Variants in GRHL2 observed in about 807,000 individuals in gnomAD.
The protein encoded by GRHL2 is grainyhead like transcription factor 2, also known as grainyhead-like protein 2 homolog.
A neutral mutation model predicts 83.8 loss-of-function variants in GRHL2; 21 were observed. That is an observed-to-expected ratio of 0.25 (90% CI 0.18 to 0.36). The LOEUF is 0.36. GRHL2 is among the 10% of genes least tolerant of loss of function. GRHL2 has a pLI of 1.00. For synonymous variants in GRHL2, 280 were observed against 278.9 expected (o/e 1.00, Z -0.04); for missense variants, 623 against 781.8 (o/e 0.80, Z 2.42).
intron 2 of GRHL2, among the ~76,000 whole-genome samples, chr8:101,551,213 A>T (rs1246043834): frequency 6.6e-6 from 1 of 152,190 alleles, no homozygotes; most frequent in African/African-American, 2.4e-5. Flanking sequence ...TTTATAATTG[A>T]TTTATTTTAT....
chr8:101,521,220 C>T (rs1378060607), intron 1 of GRHL2, among the ~76,000 whole-genome samples: 1 of 152,132 alleles, frequency 6.6e-6, no homozygotes, highest in Non-Finnish European at 1.5e-5. Flanking sequence ...GCAGCAGGGC[C>T]ATGGGGTGGG....
chr8:101,675,050 G>T, the GRHL2 span, among the ~76,000 whole-genome samples: 1 of 152,094 alleles, frequency 6.6e-6, no homozygotes, highest in Non-Finnish European at 1.5e-5. Flanking sequence ...CTATTGATGG[G>T]ACGTATCTCA....
chr8:101,646,519 A>G (rs957378048), intron 13 of GRHL2, among the ~76,000 whole-genome samples: 1 of 152,198 alleles, frequency 6.6e-6, no homozygotes, highest in Admixed American at 6.5e-5. Flanking sequence ...TCTTTGGAAA[A>G]GGTCAGTGGG....
chr8:101,617,599 G>C (rs2130364946), intron 8 of GRHL2, among the ~76,000 whole-genome samples: 1 of 152,206 alleles, frequency 6.6e-6, no homozygotes, highest in Middle Eastern at 3.4e-3. Context: ...CAACCTCCTG[G>C]GCTCAAGCAA....
intron 1 of GRHL2, among the ~76,000 whole-genome samples, chr8:101,501,125 GA>G (rs1315629523): frequency 6.6e-6 from 1 of 152,208 alleles, no homozygotes; most frequent in African/African-American, 2.4e-5. Context: ...TGTATATTTT[GA>G]AAATAAGTCA....
chr8:101,631,621 GT>G lies in GRHL2; in HGVS notation c.1258-9del. 1.2e-6 allele frequency: 2 copies of G among 1,607,276 alleles called. No homozygotes were observed. Among genetic ancestry groups the G allele is most frequent in the South Asian group, 1.1e-5 (1 of 90,796 alleles). On this transcript the variant is annotated splice_polypyrimidine_tract_variant and intron_variant, in intron 9 of 15. Transcript: ENST00000646743. ...AATATGCCTGGCATTTTCTGTATTT[GT>G]TTTTTTCCTATCAGGGAGCAGAAAG...
chr8:101,632,838 T>C (rs530227415), intron 11 of GRHL2, among the ~76,000 whole-genome samples: 43 of 152,296 alleles, frequency 2.8e-4, no homozygotes, highest in African/African-American at 8.2e-4. Context: ...TCATTTCACA[T>C]CAAAAGAAAA....
At chr8:101,632,413 G>C in intron 11 of GRHL2, 48 bp downstream of exon 11, 2 of 1,610,282 alleles carry the variant, frequency 1.2e-6, no homozygotes, top group Non-Finnish European at 1.7e-6. Context: ...CACAGGGCAA[G>C]TAGGGCTTTA....
chr8:101,552,604 T>C lies in GRHL2; in HGVS notation c.217-111T>C, dbSNP rs769210617. 250 of 977,776 alleles carry C rather than the reference T, an allele frequency of 2.6e-4. 1 individual carries two copies. The highest frequency in any genetic ancestry group is 1.3e-4 in the Admixed American group (7 of 55,750). 60.6% of individuals were successfully genotyped at this position (977,776 alleles called of 1,614,324 possible). A position where few individuals can be genotyped will look rare whatever the true frequency, so the allele number is the denominator to read the frequency against. ...CCTGGTGATAGCAACTTTTCCACCATTTCCTGGAGAACATTCCATTTTGGT... is the reference window on the plus strand; with the variant it reads ...CCTGGTGATAGCAACTTTTCCACCACTTCCTGGAGAACATTCCATTTTGGT... On this transcript the variant is annotated intron_variant, in intron 2 of 15. Transcript: ENST00000646743.
At chr8:101,611,495 G>C (rs1489894444) in intron 8 of GRHL2, among the ~76,000 whole-genome samples, 3 of 150,648 alleles carry the variant, frequency 2.0e-5, no homozygotes, top group Non-Finnish European at 2.9e-5. Context: ...CCCACTCCCA[G>C]TACTCCCATC....
At chr8:101,638,638 T>A (rs1422728247) in intron 12 of GRHL2, among the ~76,000 whole-genome samples, 1 of 152,220 alleles carries the variant, frequency 6.6e-6, no homozygotes, top group Non-Finnish European at 1.5e-5. Flanking sequence ...AGGAGTCAAA[T>A]GATTCCCTAG....
the GRHL2 span, among the ~76,000 whole-genome samples, chr8:101,678,589 G>A: frequency 6.6e-6 from 1 of 151,750 alleles, no homozygotes; most frequent in African/African-American, 2.4e-5. Flanking sequence ...CACAGCTCAA[G>A]GAGGCCTGCC....
At chr8:101,612,481 TTAGA>T (rs71574030) in intron 8 of GRHL2, among the ~76,000 whole-genome samples, 3,435 of 139,604 alleles carry the variant, frequency 0.025, 113 homozygotes, top group African/African-American at 0.03. Flanking sequence ...GATGGATGGA[TTAGA>T]TAGATAGATA....
intron 9 of GRHL2, among the ~76,000 whole-genome samples, chr8:101,622,253 C>T (rs1004038977): frequency 6.6e-6 from 1 of 152,012 alleles, no homozygotes; most frequent in Non-Finnish European, 1.5e-5. Flanking sequence ...AAAATGTGAG[C>T]CAAGGATTTT....
chr8:101,652,299 G>A (rs1056061617), intron 14 of GRHL2, among the ~76,000 whole-genome samples: 6 of 148,464 alleles, frequency 4.0e-5, no homozygotes, highest in African/African-American at 1.5e-4. Flanking sequence ...ATATACAAAT[G>A]TATATTGGTA....
rs190113533 is a variant in GRHL2, at chr8:101,657,962, T to C, written c.1699-6492T>C. Reference sequence around the variant, plus strand: ...CCATTCATAGAAGGAAGGATTGTTGTGTGGGTGATCTCATCCAGCCCCTGG... The same window carrying C: ...CCATTCATAGAAGGAAGGATTGTTGCGTGGGTGATCTCATCCAGCCCCTGG... On this transcript the variant is annotated intron_variant, in intron 14 of 15. Coordinates refer to ENST00000646743, the MANE Select transcript of GRHL2 (RefSeq NM_024915.4). 4.5e-4 allele frequency among the ~76,000 whole-genome samples: 68 copies of C among 152,260 alleles called. 1 individual carries two copies. In the East Asian group the frequency reaches 0.013, roughly 29 times the overall value.
chr8:101,550,623 A>G (rs1811360971), intron 2 of GRHL2, among the ~76,000 whole-genome samples: 1 of 152,348 alleles, frequency 6.6e-6, no homozygotes, highest in East Asian at 1.9e-4. Context: ...CATAAGATTT[A>G]CCATTTTAAC....
At chr8:101,640,737 C>G (rs1035345133) in intron 12 of GRHL2, among the ~76,000 whole-genome samples, 1 of 152,142 alleles carries the variant, frequency 6.6e-6, no homozygotes, top group Non-Finnish European at 1.5e-5. Context: ...TTCTACACTG[C>G]ATTTGGGGCA....
chr8:101,584,134 A>G (rs1049453888), intron 7 of GRHL2, among the ~76,000 whole-genome samples: 6 of 152,236 alleles, frequency 3.9e-5, no homozygotes, highest in Non-Finnish European at 8.8e-5. Context: ...TCTGTCTTCA[A>G]TGTTGGTTCA....
Sources: gnomAD v4.1 joint callset for allele counts (sites outside exome capture counted in the v4.1 genomes callset) on GRCh38, gnomAD v4.1.1 for gene constraint, MANE v1.5 for transcripts, NCBI Gene and HGNC (gene_info 2026-07-23, HGNC 2026-07-21) for gene names.